CD244: variants seen among roughly 807,000 people sequenced by gnomAD.
CD244 encodes CD244 molecule, also known as natural killer cell receptor 2B4.
CD244 carries 20 observed loss-of-function variants against 45.5 expected under a neutral mutation model. That is an observed-to-expected ratio of 0.44 (90% CI 0.31 to 0.64). The LOEUF (loss-of-function observed/expected upper bound fraction) is 0.64, where lower values mean the gene tolerates loss of function less well. CD244 is among the 30% of genes least tolerant of loss of function. CD244 has a pLI of 0.08. For missense variants in CD244, 407 were observed against 426.9 expected, an observed-to-expected ratio of 0.95 and a Z score of 0.41; for synonymous variants, 185 against 160.5, an observed-to-expected ratio of 1.15 and a Z score of -1.15.
Position 160,845,094 on chromosome 1 carries a change from C to T in CD244, c.62-3193G>A, listed in dbSNP as rs557216692. Among the ~76,000 whole-genome samples, 8 of 152,254 alleles carry T rather than the reference C, an allele frequency of 5.3e-5. No individual in the cohort carries two copies. In the South Asian group the frequency reaches 1.7e-3, roughly 32 times the overall value. ...AAGAACCACCTAGCTGAGCCCAGCC[C>T]AAATTGCCAACTAGCAGAATCACTA... On this transcript the variant is annotated intron_variant, in intron 1 of 8. Coordinates refer to ENST00000368034, the MANE Select transcript of CD244 (RefSeq NM_016382.4).
At position 160,832,683 on chromosome 1, in the gene CD244, G is replaced by A. The variant is rs77325609; in HGVS notation, c.961-108C>T. On this transcript the variant is annotated intron_variant, in intron 7 of 8. Coordinates refer to ENST00000368034, the MANE Select transcript of CD244 (RefSeq NM_016382.4). ...GACTCAGGGCCCAGAAAAATTCTGA[G>A]GCACTCTCAGCCAGAAAATGAATAG... The A allele has an allele frequency of 3.5e-4, 546 of 1,555,594 alleles. 5 individuals are homozygous for A. The East Asian group carries it at 0.011, about 31-fold the overall frequency.
chr1:160,832,757 A>G lies in CD244; in HGVS notation c.961-182T>C, dbSNP rs1420468660. ...CAATGGTGTTTATGGTCTCCAGGGA[A>G]GACACAATATATACAGTATTTGCCT... On this transcript the variant is annotated intron_variant, in intron 7 of 8. Transcript: ENST00000368034. 14 of 1,285,106 alleles carry G rather than the reference A, an allele frequency of 1.1e-5. No homozygotes were observed. The East Asian group carries it at 3.9e-4, about 36-fold the overall frequency. The allele number at this position is 1,285,106 out of a possible 1,614,324, so 79.6% of individuals were successfully genotyped here.
At position 160,840,646 on chromosome 1, in the gene CD244, G is replaced by GT. The variant is rs201077624; in HGVS notation, c.655+563dup. Among the ~76,000 whole-genome samples the GT allele has an allele frequency of 4.8e-3, 729 of 151,298 alleles. 5 individuals are homozygous for GT. The highest frequency in any genetic ancestry group is 0.016 in the African/African-American group (670 of 41,230). On this transcript the variant is annotated intron_variant, in intron 3 of 8. Transcript: ENST00000368034. ...GTTCCTTATGAATGAGAGCTGTATG[G>GT]TTTTTTTTTCCTATAATGCCCATGC...
intron 1 of CD244, among the ~76,000 whole-genome samples, chr1:160,851,434 C>A (rs1398037269): frequency 6.6e-6 from 1 of 152,190 alleles, no homozygotes; most frequent in Admixed American, 6.5e-5. Context: ...CAATATCACA[C>A]AAACCAACAC....
chr1:160,840,700 A>G (rs946638990), intron 3 of CD244, among the ~76,000 whole-genome samples: 3 of 152,090 alleles, frequency 2.0e-5, no homozygotes, highest in African/African-American at 7.2e-5. Context: ...CTGTTTATGT[A>G]ATAAAAAGTT....
At chr1:160,857,571 CTG>C (rs1670155277) in intron 1 of CD244, among the ~76,000 whole-genome samples, 1 of 152,120 alleles carries the variant, frequency 6.6e-6, no homozygotes, top group African/African-American at 2.4e-5. Context: ...CAAAACAAAT[CTG>C]TGATGTTAGA....
intron 3 of CD244, among the ~76,000 whole-genome samples, chr1:160,841,008 A>G (rs1443933386): frequency 6.6e-6 from 1 of 152,200 alleles, no homozygotes; most frequent in Non-Finnish European, 1.5e-5. Context: ...GGAAATAGGG[A>G]TAACATTTTT....
intron 1 of CD244, among the ~76,000 whole-genome samples, chr1:160,846,157 A>C (rs567606612): frequency 3.7e-4 from 57 of 152,198 alleles, no homozygotes; most frequent in African/African-American, 1.3e-3. Flanking sequence ...CCATCACCCG[A>C]GCAGTATACA....
In CD244 at chr1:160,851,706, C is replaced by G. The variant is rs144637657; in HGVS notation, c.62-9805G>C. On this transcript the variant is annotated intron_variant, in intron 1 of 8. Transcript: ENST00000368034. ...TTTTGAGACCAGATTATGAGACTGG[C>G]TAATTTTTGCATTTTTGGTAGAGAT... Among the ~76,000 whole-genome samples, 226 of 152,150 alleles carry G rather than the reference C, an allele frequency of 1.5e-3. 1 individual carries two copies. The highest frequency in any genetic ancestry group is 5.3e-3 in the African/African-American group (219 of 41,504).
chr1:160,853,234 C>A (rs1387335668), intron 1 of CD244, among the ~76,000 whole-genome samples: 3 of 152,118 alleles, frequency 2.0e-5, no homozygotes, highest in Admixed American at 2.0e-4. Context: ...GGATGGATCT[C>A]ACCACAATGA....
chr1:160,860,511 A>G (rs558848493), intron 1 of CD244, among the ~76,000 whole-genome samples: 9 of 152,248 alleles, frequency 5.9e-5, no homozygotes, highest in African/African-American at 2.2e-4. Flanking sequence ...AGCATATTTG[A>G]TGGTATTAAT....
At chr1:160,857,784 C>T (rs1186508322) in intron 1 of CD244, among the ~76,000 whole-genome samples, 2 of 152,214 alleles carry the variant, frequency 1.3e-5, no homozygotes, top group Admixed American at 6.5e-5. Flanking sequence ...CAGTGGCCCA[C>T]ATCTGTAATC....
intron 3 of CD244, among the ~76,000 whole-genome samples, chr1:160,840,393 C>T (rs557046358): frequency 6.6e-6 from 1 of 152,184 alleles, no homozygotes; most frequent in South Asian, 2.1e-4. Context: ...TCCTGAGTAG[C>T]TGAGATTACA....
intron 5 of CD244, 33 bp downstream of exon 5, chr1:160,838,418 C>T (rs1032331644): frequency 4.6e-6 from 7 of 1,524,462 alleles, no homozygotes; most frequent in Non-Finnish European, 6.4e-6. Flanking sequence ...TCCAAGCCAG[C>T]TGAGAGAGAC....
chr1:160,833,915 A>G (rs1557830087), intron 7 of CD244, 136 bp downstream of exon 7: 1 of 634,714 alleles, frequency 1.6e-6, no homozygotes, highest in Admixed American at 2.6e-5. Flanking sequence ...AAATACAGTC[A>G]TTTAACAGAA....
chr1:160,855,418 C>T (rs968583677), intron 1 of CD244, among the ~76,000 whole-genome samples: 17 of 152,082 alleles, frequency 1.1e-4, no homozygotes, highest in African/African-American at 3.6e-4. Flanking sequence ...TTTCCATGGA[C>T]GGCCTGGAAG....
chr1:160,862,847 G>A lies in CD244; in HGVS notation c.-170C>T. 1 of 532,226 alleles carries A rather than the reference G, an allele frequency of 1.9e-6. No individual in the cohort carries two copies. Among genetic ancestry groups the A allele is most frequent in the Non-Finnish European group, 3.3e-6 (1 of 302,354 alleles). The allele number at this position is 532,226 out of a possible 1,614,324, so 33.0% of individuals were successfully genotyped here. ...AGGCTGTTAACGCCTGCTGTGAGCT[G>A]ACAAGGCCACTGAGAAAGCCCCAGC... On this transcript the variant is annotated 5_prime_UTR_variant, in exon 1 of 9. Transcript: ENST00000368034.
chr1:160,848,883 T>G (rs763375800), intron 1 of CD244, among the ~76,000 whole-genome samples: 1 of 152,220 alleles, frequency 6.6e-6, no homozygotes, highest in African/African-American at 2.4e-5. Context: ...CCAGCAAACA[T>G]AAATGTTTCC....
intron 1 of CD244, among the ~76,000 whole-genome samples, chr1:160,852,285 C>T (rs1290386862): frequency 6.6e-6 from 1 of 152,242 alleles, no homozygotes; most frequent in Non-Finnish European, 1.5e-5. Flanking sequence ...CGAAGCGGCT[C>T]AAGCCTGTAA....
Sources: gnomAD v4.1 joint callset for allele counts (sites outside exome capture counted in the v4.1 genomes callset) on GRCh38, gnomAD v4.1.1 for gene constraint, MANE v1.5 for transcripts, NCBI Gene and HGNC (gene_info 2026-07-23, HGNC 2026-07-21) for gene names.